Variants in PITPNM2 observed in about 807,000 individuals in gnomAD.
PITPNM2 encodes phosphatidylinositol transfer protein membrane associated 2, also known as membrane-associated phosphatidylinositol transfer protein 2.
PITPNM2 carries 35 observed loss-of-function variants against 132.2 expected under a neutral mutation model. That is an observed-to-expected ratio of 0.26 (90% CI 0.20 to 0.35). PITPNM2 has a LOEUF of 0.35. Ranked by LOEUF, PITPNM2 falls within the 10% of genes least tolerant of loss-of-function variation. The pLI is 1.00. For missense variants in PITPNM2, 1,332 were observed against 1,912.0 expected, an observed-to-expected ratio of 0.70 and a Z score of 5.66; for synonymous variants, 738 against 799.2, an observed-to-expected ratio of 0.92 and a Z score of 1.29.
intron 1 of PITPNM2, among the ~76,000 whole-genome samples, chr12:123,125,758 C>T (rs1778080811): frequency 7.0e-6 from 1 of 142,020 alleles, no homozygotes. Flanking sequence ...AGGAGAATCG[C>T]TTGAACCCCA....
intron 1 of PITPNM2, among the ~76,000 whole-genome samples, chr12:123,129,321 C>T (rs528270705): frequency 6.6e-6 from 1 of 152,132 alleles, no homozygotes; most frequent in South Asian, 2.1e-4. Context: ...GTAATCCCAG[C>T]ACTTTGGGAG....
chr12:123,005,196 G>A lies in PITPNM2; in HGVS notation c.952+44C>T, dbSNP rs1000450183. On this transcript the variant is annotated intron_variant, in intron 7 of 25. Coordinates refer to ENST00000320201, the MANE Select transcript of PITPNM2 (RefSeq NM_020845.3). This position sits in a 1 kb window ranked among gnomAD's most constrained non-coding sequence, Gnocchi z 6.2. ...CAGCAGTGTGTGGGGCTGCCTTGAG[G>A]GGAGGGACCTTGAGTGTGGGTGGCA... The A allele has an allele frequency of 6.3e-7, 1 of 1,580,712 alleles. No homozygotes were observed. The highest frequency in any genetic ancestry group is 8.6e-7 in the Non-Finnish European group (1 of 1,160,748).
intron 2 of PITPNM2, among the ~76,000 whole-genome samples, chr12:123,039,569 C>T (rs2040388384): frequency 1.3e-5 from 2 of 152,094 alleles, no homozygotes; most frequent in South Asian, 2.1e-4. Flanking sequence ...GATGAACAGG[C>T]AGAGAATGGA....
At chr12:123,120,829 G>A (rs1006122291) in intron 1 of PITPNM2, among the ~76,000 whole-genome samples, 1 of 152,148 alleles carries the variant, frequency 6.6e-6, no homozygotes, top group Non-Finnish European at 1.5e-5. Context: ...CATCTGCTCT[G>A]CTCACCTGCT....
chr12:123,025,261 C>T (rs1382571527), intron 3 of PITPNM2, among the ~76,000 whole-genome samples: 5 of 152,112 alleles, frequency 3.3e-5, no homozygotes, highest in Non-Finnish European at 7.4e-5. Flanking sequence ...CATACACAGC[C>T]ACAGGCCTCT....
At chr12:123,145,718 G>A (rs1026964939) in intron 1 of PITPNM2, among the ~76,000 whole-genome samples, 9 of 152,142 alleles carry the variant, frequency 5.9e-5, no homozygotes, top group African/African-American at 1.2e-4. Context: ...GTTAATATAA[G>A]TAATTTGGCC....
At position 123,111,713 on chromosome 12, in the gene PITPNM2, T is replaced by G. The variant is rs1325275821; in HGVS notation, c.-199-1225A>C. ...TCCATCGCTGTCCTGCCCCAGCCCCTTGTCTCCACGGCTGCATGTACACAC... is the reference window on the plus strand; with the variant it reads ...TCCATCGCTGTCCTGCCCCAGCCCCGTGTCTCCACGGCTGCATGTACACAC... On this transcript the variant is annotated intron_variant, in intron 1 of 25. Coordinates refer to ENST00000320201, the MANE Select transcript of PITPNM2 (RefSeq NM_020845.3). This position sits in a 1 kb window ranked among gnomAD's most constrained non-coding sequence, Gnocchi z 4.1. Among the ~76,000 whole-genome samples the G allele has an allele frequency of 6.6e-6, 1 of 152,096 alleles. No homozygotes were observed. Among genetic ancestry groups the G allele is most frequent in the East Asian group, 1.9e-4 (1 of 5,186 alleles).
In PITPNM2 at chr12:123,114,224, T is replaced by G. The variant is rs572450285; in HGVS notation, c.-199-3736A>C. Among the ~76,000 whole-genome samples, 4 of 152,240 alleles carry G rather than the reference T, an allele frequency of 2.6e-5. No homozygotes were observed. In the South Asian group the frequency reaches 8.3e-4, roughly 32 times the overall value. On this transcript the variant is annotated intron_variant, in intron 1 of 25. Transcript: ENST00000320201. ...GGTATACACCTAGTTATTCCTAATT[T>G]TTTAATAAGATAACATCACTTAATT...
rs533867020 is a variant in PITPNM2 at position 123,005,967 on chromosome 12, T to C, written c.644-419A>G. On this transcript the variant is annotated intron_variant, in intron 6 of 25. Coordinates refer to ENST00000320201, the MANE Select transcript of PITPNM2 (RefSeq NM_020845.3). The surrounding 1 kb of genome is among the most constrained non-coding windows in gnomAD (Gnocchi z 6.2). Reference sequence around the variant, plus strand: ...AAAAAAATTAAAAAAAAAAATTAGCTGAGCATGCTGGTGTGCGCTTGTAGT... The same window carrying C: ...AAAAAAATTAAAAAAAAAAATTAGCCGAGCATGCTGGTGTGCGCTTGTAGT... 24 of 159,504 alleles carry C rather than the reference T, an allele frequency of 1.5e-4. 1 individual carries two copies. In the South Asian group the frequency reaches 3.6e-3, roughly 24 times the overall value. 9.9% of individuals were successfully genotyped at this position (159,504 alleles called of 1,614,324 possible).
rs961827378 is a variant in PITPNM2 at position 123,095,897 on chromosome 12, C to T, written c.-96+14488G>A. 6.6e-6 allele frequency among the ~76,000 whole-genome samples: 1 copy of T among 152,220 alleles called. No individual in the cohort carries two copies. Among genetic ancestry groups the T allele is most frequent in the East Asian group, 1.9e-4 (1 of 5,190 alleles). ...TGGGCTCCACGCCCCAGTGGCAGAC[C>T]CCCCCAACCCCACTTCCACAAGGCT... is the stretch of plus-strand genomic sequence containing the variant. On this transcript the variant is annotated intron_variant, in intron 2 of 25. Transcript: ENST00000320201. This position sits in a 1 kb window ranked among gnomAD's most constrained non-coding sequence, Gnocchi z 5.0.
At position 123,031,061 on chromosome 12, in the gene PITPNM2, A is replaced by C. The variant is rs1208259249; in HGVS notation, c.78+3452T>G. Among the ~76,000 whole-genome samples, 1 of 152,218 alleles carries C rather than the reference A, an allele frequency of 6.6e-6. No individual in the cohort carries two copies. The highest frequency in any genetic ancestry group is 1.5e-5 in the Non-Finnish European group (1 of 68,048). On this transcript the variant is annotated intron_variant, in intron 3 of 25. Transcript: ENST00000320201. This position sits in a 1 kb window ranked among gnomAD's most constrained non-coding sequence, Gnocchi z 4.5. ...GGTGATGAAAGTGTTTTGGAACTAA[A>C]GTTGGTGGTTGCACAACATTGTGAG...
At chr12:123,113,466 C>A (rs1480587146) in intron 1 of PITPNM2, among the ~76,000 whole-genome samples, 1 of 152,104 alleles carries the variant, frequency 6.6e-6, no homozygotes, top group African/African-American at 2.4e-5. Flanking sequence ...TTAGAGAGAC[C>A]AAGGCAGAGG....
chr12:122,987,707 C>A, intron 21 of PITPNM2, 48 bp from the exon 22 acceptor site: 2 of 1,611,276 alleles, frequency 1.2e-6, no homozygotes, highest in Non-Finnish European at 1.7e-6. Context: ...GGCCTCTCCA[C>A]CCCCTGCACC....
At chr12:123,056,629 C>T (rs1010954033) in intron 2 of PITPNM2, among the ~76,000 whole-genome samples, 3 of 152,046 alleles carry the variant, frequency 2.0e-5, no homozygotes, top group African/African-American at 7.2e-5. Context: ...CGGCCCTCTT[C>T]TTCTAACAAG....
intron 1 of PITPNM2, among the ~76,000 whole-genome samples, chr12:123,132,008 G>A (rs570084241): frequency 6.6e-6 from 1 of 152,372 alleles, no homozygotes; most frequent in South Asian, 2.1e-4. Flanking sequence ...CAGGCTGTCT[G>A]CATGAGGCCT....
chr12:123,098,146 G>A (rs1348876726), intron 2 of PITPNM2, among the ~76,000 whole-genome samples: 1 of 152,220 alleles, frequency 6.6e-6, no homozygotes, highest in Non-Finnish European at 1.5e-5. Flanking sequence ...CTGGCTTCTT[G>A]CACCTGTACA....
chr12:123,029,739 T>C (rs2040005093), intron 3 of PITPNM2, among the ~76,000 whole-genome samples: 1 of 152,042 alleles, frequency 6.6e-6, no homozygotes, highest in African/African-American at 2.4e-5. Context: ...GGTCTGTGCA[T>C]GTGTCTGCAT....
rs1461719480 is a variant in PITPNM2 at position 123,150,388 on chromosome 12, G to C, written c.-200+365C>G. Among the ~76,000 whole-genome samples, 1 of 150,398 alleles carries C rather than the reference G, an allele frequency of 6.6e-6. No individual in the cohort carries two copies. The stretch of plus-strand genomic sequence containing the variant: ...GCTTCCTCCCGATAGCCCCTTCCTC[G>C]CCCTGGCACCGGCACTGCCCACGCC... On this transcript the variant is annotated intron_variant, in intron 1 of 25. Transcript: ENST00000320201. This position sits in a 1 kb window ranked among gnomAD's most constrained non-coding sequence, Gnocchi z 6.0.
At chr12:123,050,394 C>T (rs1490589922) in intron 2 of PITPNM2, among the ~76,000 whole-genome samples, 1 of 152,170 alleles carries the variant, frequency 6.6e-6, no homozygotes, top group East Asian at 1.9e-4. Flanking sequence ...CACAAAAGCC[C>T]AGAGGGACTG....
Sources: allele counts gnomAD v4.1 joint callset (sites outside exome capture counted in the v4.1 genomes callset), GRCh38; gene constraint gnomAD v4.1.1; non-coding constraint Gnocchi (gnomAD v3.1); transcripts MANE v1.5; gene names NCBI Gene and HGNC (gene_info 2026-07-23, HGNC 2026-07-21).